PPARGC1A: variants seen among roughly 807,000 people sequenced by gnomAD.
PPARGC1A encodes PPARG coactivator 1 alpha, also known as peroxisome proliferator-activated receptor gamma coactivator 1-alpha.
Under a neutral mutation model 88.7 loss-of-function variants are expected in PPARGC1A, and 25 were observed. The observed-to-expected ratio is 0.28, with a 90% confidence interval of 0.21 to 0.39. The LOEUF (loss-of-function observed/expected upper bound fraction) is 0.39. Ranked by LOEUF, PPARGC1A falls within the 10% of genes least tolerant of loss-of-function variation. The pLI is 1.00. For synonymous variants in PPARGC1A, 363 were observed against 355.6 expected, an observed-to-expected ratio of 1.02 and a Z score of -0.24; for missense variants, 880 against 968.7, an observed-to-expected ratio of 0.91 and a Z score of 1.22.
At chr4:24,189,213 T>A in the PPARGC1A span, among the ~76,000 whole-genome samples, 1 of 151,996 alleles carries the variant, frequency 6.6e-6, no homozygotes, top group Non-Finnish European at 1.5e-5. Flanking sequence ...TGAAAACAGT[T>A]CCGGAGATGG....
the PPARGC1A span, among the ~76,000 whole-genome samples, chr4:23,941,280 A>T: frequency 6.6e-6 from 1 of 151,986 alleles, no homozygotes; most frequent in Non-Finnish European, 1.5e-5. Context: ...CTGGTTTTGA[A>T]CTCCTGGCCT....
At chr4:24,289,685 C>T in the PPARGC1A span, among the ~76,000 whole-genome samples, 7 of 152,190 alleles carry the variant, frequency 4.6e-5, no homozygotes, top group East Asian at 3.9e-4. Flanking sequence ...AGACTGACCA[C>T]GGAACATCAT....
chr4:24,210,863 G>T, the PPARGC1A span, among the ~76,000 whole-genome samples: 3 of 152,334 alleles, frequency 2.0e-5, no homozygotes, highest in East Asian at 5.8e-4. Flanking sequence ...ACCTCTCCCA[G>T]TGGGAGCCTA....
At chr4:24,300,324 A>ATTTTTTTTTTTTTTTTTTTTTTTTTTT in the PPARGC1A span, among the ~76,000 whole-genome samples, 15 of 45,028 alleles carry the variant, frequency 3.3e-4, 4 homozygotes, top group Admixed American at 7.1e-4. Flanking sequence ...ATACAATAGC[A>ATTTTTTTTTTTTTTTTTTTTTTTTTTT]TTTTTTTTTT....
At chr4:24,106,703 T>A in the PPARGC1A span, among the ~76,000 whole-genome samples, 1 of 152,218 alleles carries the variant, frequency 6.6e-6, no homozygotes, top group Non-Finnish European at 1.5e-5. Flanking sequence ...AGCTGCCTTG[T>A]CCCTTGCTTT....
At chr4:23,804,757 C>T (rs904501415) in intron 10 of PPARGC1A, among the ~76,000 whole-genome samples, 1 of 152,138 alleles carries the variant, frequency 6.6e-6, no homozygotes, top group Non-Finnish European at 1.5e-5. Flanking sequence ...TTCCCAAAGC[C>T]TTTGCACATG....
At chr4:23,914,813 A>G in the PPARGC1A span, among the ~76,000 whole-genome samples, 1 of 152,218 alleles carries the variant, frequency 6.6e-6, no homozygotes, top group Non-Finnish European at 1.5e-5. Context: ...ACAAACAAAA[A>G]GCATTGTTTC....
the PPARGC1A span, among the ~76,000 whole-genome samples, chr4:23,958,968 G>A: frequency 6.7e-6 from 1 of 149,246 alleles, no homozygotes; most frequent in African/African-American, 2.5e-5. Context: ...TAGAACTTGA[G>A]TATGCAAATA....
chr4:24,349,911 C>T, the PPARGC1A span, among the ~76,000 whole-genome samples: 37 of 152,258 alleles, frequency 2.4e-4, no homozygotes, highest in African/African-American at 7.9e-4. Context: ...GCCACCCTCC[C>T]GATGGATCCC....
the PPARGC1A span, among the ~76,000 whole-genome samples, chr4:23,944,488 T>C: frequency 6.6e-6 from 1 of 152,200 alleles, no homozygotes; most frequent in Non-Finnish European, 1.5e-5. Context: ...ACCAGGTACT[T>C]AACATCTGTT....
At chr4:24,060,788 A>C in the PPARGC1A span, among the ~76,000 whole-genome samples, 1 of 152,208 alleles carries the variant, frequency 6.6e-6, no homozygotes, top group Non-Finnish European at 1.5e-5. Flanking sequence ...TTACAAAAAT[A>C]AGAGCACTGG....
the PPARGC1A span, among the ~76,000 whole-genome samples, chr4:24,288,976 C>T: frequency 2.6e-5 from 4 of 152,088 alleles, no homozygotes; most frequent in African/African-American, 4.8e-5. Flanking sequence ...AATCCCAGCA[C>T]TTTGGGAGGC....
chr4:23,821,270 CTT>C (rs1722971492), intron 7 of PPARGC1A, among the ~76,000 whole-genome samples: 1 of 152,116 alleles, frequency 6.6e-6, no homozygotes, highest in African/African-American at 2.4e-5. Flanking sequence ...ACGTATAAAT[CTT>C]TCCTCAACAA....
chr4:24,173,249 G>A, the PPARGC1A span, among the ~76,000 whole-genome samples: 2 of 148,024 alleles, frequency 1.4e-5, no homozygotes, highest in Non-Finnish European at 3.0e-5. Context: ...CTGAGATTAC[G>A]TTATTCAACA....
At chr4:24,450,615 C>CTATATTT in the PPARGC1A span, among the ~76,000 whole-genome samples, 1 of 152,140 alleles carries the variant, frequency 6.6e-6, no homozygotes, top group African/African-American at 2.4e-5. Context: ...GATCTAAAGT[C>CTATATTT]TATATTTTTC....
the PPARGC1A span, among the ~76,000 whole-genome samples, chr4:24,260,749 G>A: frequency 6.6e-6 from 1 of 150,990 alleles, no homozygotes; most frequent in African/African-American, 2.4e-5. Flanking sequence ...TGAAAAAGAT[G>A]GCATTTTTGC....
the PPARGC1A span, among the ~76,000 whole-genome samples, chr4:23,920,076 G>A: frequency 1.3e-5 from 2 of 152,198 alleles, no homozygotes; most frequent in African/African-American, 4.8e-5. Flanking sequence ...AAATGTAAAT[G>A]AAATAATCTT....
the PPARGC1A span, among the ~76,000 whole-genome samples, chr4:24,164,072 T>C: frequency 6.6e-6 from 1 of 152,236 alleles, no homozygotes; most frequent in African/African-American, 2.4e-5. Context: ...AGCATCTCTG[T>C]ATTGTGTCCC....
chr4:24,187,831 C>T, the PPARGC1A span, among the ~76,000 whole-genome samples: 5 of 152,152 alleles, frequency 3.3e-5, no homozygotes, highest in African/African-American at 4.8e-5. Context: ...AATATATAAT[C>T]ACAAATGTTT....
Sources: gnomAD v4.1 joint callset for allele counts (sites outside exome capture counted in the v4.1 genomes callset) on GRCh38, gnomAD v4.1.1 for gene constraint, MANE v1.5 for transcripts, NCBI Gene and HGNC (gene_info 2026-07-23, HGNC 2026-07-21) for gene names.